The following NFIA variants were observed in gnomAD, a reference collection of about 807,000 sequenced individuals.
The protein encoded by NFIA is nuclear factor I A, also known as nuclear factor 1 A-type.
A neutral mutation model predicts 62.8 loss-of-function variants in NFIA; 8 were observed. The observed-to-expected ratio is 0.13, with a 90% CI of 0.07 to 0.23. The LOEUF is 0.23. Among genes scored for constraint, NFIA ranks in the 10% least tolerant of loss-of-function variants. NFIA has a pLI of 1.00. For missense variants in NFIA, 410 were observed against 642.1 expected (o/e 0.64, Z 3.91); for synonymous variants, 235 against 238.1 (o/e 0.99, Z 0.12).
At chr1:61,206,051 G>A (rs1406567580) in intron 2 of NFIA, among the ~76,000 whole-genome samples, 1 of 151,690 alleles carries the variant, frequency 6.6e-6, no homozygotes, top group Non-Finnish European at 1.5e-5. Context: ...GAGTAGCTGG[G>A]ACCACAGGTG....
intron 1 of NFIA, among the ~76,000 whole-genome samples, chr1:61,083,894 G>A (rs572520056): frequency 6.6e-6 from 1 of 151,806 alleles, no homozygotes; most frequent in African/African-American, 2.4e-5. Context: ...TCCTTTCCGT[G>A]CCCCCCTGTC....
intron 7 of NFIA, among the ~76,000 whole-genome samples, chr1:61,391,328 C>T (rs1383932639): frequency 6.6e-6 from 1 of 152,046 alleles, no homozygotes; most frequent in Non-Finnish European, 1.5e-5. Flanking sequence ...TTCCAAAGTG[C>T]TGGGATTACA....
intron 8 of NFIA, 30 bp from the exon 9 acceptor site, chr1:61,406,532 G>A (rs765341499): frequency 2.2e-5 from 33 of 1,520,326 alleles, no homozygotes; most frequent in South Asian, 1.5e-4. Flanking sequence ...TTTCTTGTAC[G>A]TGTGTTTTCT....
chr1:61,306,269 CTTTTTTTTT>C (rs774297484), intron 3 of NFIA, among the ~76,000 whole-genome samples: 8 of 60,616 alleles, frequency 1.3e-4, no homozygotes, highest in Non-Finnish European at 1.9e-4. Flanking sequence ...AGATTTTGTT[CTTTTTTTTT>C]TTTTTTTTTT....
intron 10 of NFIA, among the ~76,000 whole-genome samples, chr1:61,429,494 T>C (rs1232081247): frequency 6.6e-6 from 1 of 152,200 alleles, no homozygotes; most frequent in Non-Finnish European, 1.5e-5. Flanking sequence ...CAACTGATGC[T>C]CACTTCTCAG....
chr1:61,179,202 C>T (rs1650589182), intron 2 of NFIA, among the ~76,000 whole-genome samples: 1 of 152,220 alleles, frequency 6.6e-6, no homozygotes, highest in Admixed American at 6.5e-5. Context: ...GTTTCTGTTA[C>T]ATTTGCTTTT....
intron 6 of NFIA, among the ~76,000 whole-genome samples, chr1:61,381,226 C>T (rs544304251): frequency 2.2e-4 from 33 of 152,150 alleles, no homozygotes; most frequent in Admixed American, 6.5e-4. Flanking sequence ...TGGTTGGCAG[C>T]CTATAAATTG....
intron 4 of NFIA, among the ~76,000 whole-genome samples, chr1:61,341,577 C>T (rs1411411703): frequency 6.6e-6 from 1 of 151,996 alleles, no homozygotes; most frequent in African/African-American, 2.4e-5. Context: ...TCCCAGGCCC[C>T]AGGGATCCTC....
intron 2 of NFIA, among the ~76,000 whole-genome samples, chr1:61,183,041 T>C (rs1650862143): frequency 6.6e-6 from 1 of 152,180 alleles, no homozygotes. Context: ...AATCTTTTGA[T>C]GGGCAGCTTC....
chr1:61,420,893 T>C (rs1666585406), intron 9 of NFIA, among the ~76,000 whole-genome samples: 1 of 152,220 alleles, frequency 6.6e-6, no homozygotes. Context: ...TTGCCCGTCA[T>C]TTTCAAACAT....
intron 10 of NFIA, among the ~76,000 whole-genome samples, chr1:61,454,060 C>T (rs1396519916): frequency 1.3e-5 from 2 of 152,200 alleles, no homozygotes; most frequent in Non-Finnish European, 2.9e-5. Context: ...AGCCATTCAT[C>T]CCTGGGGACC....
At chr1:61,407,596 A>C (rs1026870793) in intron 9 of NFIA, among the ~76,000 whole-genome samples, 7 of 152,152 alleles carry the variant, frequency 4.6e-5, no homozygotes, top group African/African-American at 1.7e-4. Flanking sequence ...TAGCCTTGAT[A>C]GATGGTGTGA....
intron 4 of NFIA, among the ~76,000 whole-genome samples, chr1:61,334,571 A>G (rs1256096771): frequency 0.7 from 41,292 of 59,272 alleles, 12,290 homozygotes; most frequent in East Asian, 0.78. Flanking sequence ...ATATATATAT[A>G]TATATATATA....
At position 61,456,726 on chromosome 1, in the gene NFIA, C is replaced by G. The variant is rs1239481561; in HGVS notation, c.*1406C>G. The G allele has an allele frequency of 7.0e-6, 1 of 143,508 alleles. No individual in the cohort carries two copies. Among genetic ancestry groups the G allele is most frequent in the Non-Finnish European group, 1.5e-5 (1 of 66,392 alleles). 8.9% of individuals were successfully genotyped at this position (143,508 alleles called of 1,614,324 possible). A position where few individuals can be genotyped will look rare whatever the true frequency, so the allele number is the denominator to read the frequency against. On this transcript the variant is annotated 3_prime_UTR_variant, in exon 11 of 11. Coordinates refer to ENST00000403491, the MANE Select transcript of NFIA (RefSeq NM_001134673.4). ...CAATACTGACACAAATGCTGGTGCC[C>G]ATTCAGATCAAGGGTACTTGTTAGG...
chr1:61,212,894 A>G (rs1287521813), intron 2 of NFIA, among the ~76,000 whole-genome samples: 1 of 152,162 alleles, frequency 6.6e-6, no homozygotes, highest in Non-Finnish European at 1.5e-5. Flanking sequence ...GTTTTTTACT[A>G]AAGTGTGCAG....
At position 61,088,730 on chromosome 1, in the gene NFIA, C is replaced by A. The variant is rs1206693987; in HGVS notation, c.559+50C>A. Reference sequence around the variant, plus strand: ...CCCACTTTCTTGTGTGTGTTTCTTTCCTGATGGCCTCCGCGTTATGCCGGA... The same window carrying A: ...CCCACTTTCTTGTGTGTGTTTCTTTACTGATGGCCTCCGCGTTATGCCGGA... On this transcript the variant is annotated intron_variant, in intron 2 of 10. Transcript: ENST00000403491. The surrounding 1 kb of genome is among the most constrained non-coding windows in gnomAD (Gnocchi z 4.5). The A allele has an allele frequency of 1.9e-6, 3 of 1,560,592 alleles. No homozygotes were observed. Among genetic ancestry groups the A allele is most frequent in the Non-Finnish European group, 2.6e-6 (3 of 1,155,252 alleles).
chr1:61,366,510 T>C (rs1254615134), intron 6 of NFIA, among the ~76,000 whole-genome samples: 2 of 152,208 alleles, frequency 1.3e-5, no homozygotes, highest in African/African-American at 2.4e-5. Context: ...CAAAACAGTT[T>C]AGTGAAAGTT....
At chr1:61,257,711 T>G (rs569363171) in intron 2 of NFIA, among the ~76,000 whole-genome samples, 1 of 152,054 alleles carries the variant, frequency 6.6e-6, no homozygotes, top group South Asian at 2.1e-4. Flanking sequence ...TTTGTTTATT[T>G]ATTATTTATT....
intron 2 of NFIA, among the ~76,000 whole-genome samples, chr1:61,265,993 C>G (rs1219502664): frequency 6.6e-6 from 1 of 152,172 alleles, no homozygotes; most frequent in Non-Finnish European, 1.5e-5. Flanking sequence ...TCACTCAGTG[C>G]CTTTTGATGA....
Sources: allele counts gnomAD v4.1 joint callset (sites outside exome capture counted in the v4.1 genomes callset), GRCh38; gene constraint gnomAD v4.1.1; non-coding constraint Gnocchi (gnomAD v3.1); transcripts MANE v1.5; gene names NCBI Gene and HGNC (gene_info 2026-07-23, HGNC 2026-07-21).